Variants in UPF3A observed in about 807,000 individuals in gnomAD.
The protein encoded by UPF3A is UPF3A regulator of nonsense mediated mRNA decay, also known as regulator of nonsense transcripts 3A.
UPF3A carries 42 observed loss-of-function variants against 53.5 expected under a neutral mutation model. The ratio of observed to expected loss-of-function variants is 0.78; its 90% CI spans 0.61 to 1.01. The LOEUF (loss-of-function observed/expected upper bound fraction) is 1.01, where lower values mean the gene tolerates loss of function less well. Ranked by LOEUF, UPF3A falls within the 50% of genes least tolerant of loss-of-function variation. The pLI is 0.00. For missense variants in UPF3A, 575 were observed against 598.0 expected, an observed-to-expected ratio of 0.96 and a Z score of 0.40; for synonymous variants, 237 against 225.3, an observed-to-expected ratio of 1.05 and a Z score of -0.47.
At chr13:114,302,145 C>G (rs1280775863) in intron 9 of UPF3A, 120 bp downstream of exon 9, 2 of 991,840 alleles carry the variant, frequency 2.0e-6, no homozygotes, top group East Asian at 3.1e-5. Flanking sequence ...TGAGCATTTT[C>G]AAGAGCAGTT....
intron 9 of UPF3A, among the ~76,000 whole-genome samples, chr13:114,304,030 G>A (rs1333082320): frequency 6.6e-6 from 1 of 152,242 alleles, no homozygotes; most frequent in African/African-American, 2.4e-5. Context: ...CGTCCTTGCA[G>A]CCCACACTTG....
chr13:114,303,016 C>T (rs982338241), intron 9 of UPF3A, among the ~76,000 whole-genome samples: 1 of 152,116 alleles, frequency 6.6e-6, no homozygotes, highest in Non-Finnish European at 1.5e-5. Context: ...AGGAGAATTG[C>T]TTGAACCTGG....
chr13:114,292,090 CTTTTTTTTT>C (rs745358460), intron 7 of UPF3A, among the ~76,000 whole-genome samples: 36 of 133,712 alleles, frequency 2.7e-4, no homozygotes, highest in African/African-American at 7.1e-4. Context: ...TGCTGACGCT[CTTTTTTTTT>C]TTTTTTTTTT....
rs867775537 is a variant in UPF3A, at chr13:114,301,294, T to C, written c.1008-437T>C. 5.9e-5 allele frequency among the ~76,000 whole-genome samples: 9 copies of C among 151,940 alleles called. No homozygotes were observed. The South Asian group carries it at 1.7e-3, about 28-fold the overall frequency. ...AACTAACACAGTGAAACCCCGTCTC[T>C]ACTAAAAATACACAAAAAATTAGCC... On this transcript the variant is annotated intron_variant, in intron 8 of 9. Transcript: ENST00000375299.
At chr13:114,296,744 T>G (rs954051907) in intron 7 of UPF3A, among the ~76,000 whole-genome samples, 4 of 152,190 alleles carry the variant, frequency 2.6e-5, no homozygotes, top group African/African-American at 9.6e-5. Flanking sequence ...GTTCTGGTGC[T>G]AACTCCAGGT....
intron 5 of UPF3A, among the ~76,000 whole-genome samples, chr13:114,290,739 T>C (rs1333666551): frequency 6.6e-6 from 1 of 150,614 alleles, no homozygotes; most frequent in Non-Finnish European, 1.5e-5. Flanking sequence ...TTTTTCTTTT[T>C]TTTTTTTTTT....
chr13:114,301,651 G>T lies in UPF3A; in HGVS notation c.1008-80G>T, dbSNP rs2086619335. Reference sequence around the variant, plus strand: ...ACTTCGCATGGGTCCCTGTTGTCTGGGAACCTGTGGTCTAGAAAGGAGGGT... The same window carrying T: ...ACTTCGCATGGGTCCCTGTTGTCTGTGAACCTGTGGTCTAGAAAGGAGGGT... On this transcript the variant is annotated intron_variant, in intron 8 of 9. Transcript: ENST00000375299. 4.8e-6 allele frequency: 7 copies of T among 1,461,014 alleles called. No individual in the cohort carries two copies. The South Asian group carries it at 9.0e-5, about 19-fold the overall frequency. 90.5% of individuals were successfully genotyped at this position (1,461,014 alleles called of 1,614,324 possible).
chr13:114,301,764 T>A lies in UPF3A; in HGVS notation c.1041T>A (p.Asp347Glu). The change falls in exon 9 of 10, where the codon GAT becomes GAA. Residue 347 changes from aspartate to glutamate, a missense_variant. This residue lies in a region of UPF3A where 323 missense variants were observed against 415.2 expected (regional missense o/e 0.78). Coordinates refer to ENST00000375299, the MANE Select transcript of UPF3A (RefSeq NM_023011.4). ...SHSGSDKEHRDVERSQEQESE... is the reference protein window; with the variant it reads ...SHSGSDKEHREVERSQEQESE... Reference sequence around the variant, plus strand: ...GCGGCAGTGATAAAGAGCACAGGGATGTGGAGAGATCTCAAGAACAAGAAT... The same window carrying A: ...GCGGCAGTGATAAAGAGCACAGGGAAGTGGAGAGATCTCAAGAACAAGAAT... 6.2e-7 allele frequency: 1 copy of A among 1,613,900 alleles called. No homozygotes were observed. Among genetic ancestry groups the A allele is most frequent in the Non-Finnish European group, 8.5e-7 (1 of 1,179,842 alleles).
intron 1 of UPF3A, 33 bp downstream of exon 1, chr13:114,281,879 G>A (rs1282981270): frequency 4.1e-6 from 6 of 1,469,820 alleles, no homozygotes; most frequent in African/African-American, 1.5e-5. Flanking sequence ...CAAACCTCGC[G>A]AGGAGAGGAC....
chr13:114,286,741 T>G, intron 5 of UPF3A, 112 bp downstream of exon 5: 1 of 815,668 alleles, frequency 1.2e-6, no homozygotes, highest in Admixed American at 3.2e-5. Context: ...TGTTACAGGC[T>G]TGACAGAAAT....
At chr13:114,289,009 C>A (rs1042748942) in intron 5 of UPF3A, among the ~76,000 whole-genome samples, 2 of 151,994 alleles carry the variant, frequency 1.3e-5, no homozygotes, top group African/African-American at 4.8e-5. Context: ...TGAGACATAC[C>A]TTTTTGGGGC....
At chr13:114,296,005 G>A (rs1055663442) in intron 7 of UPF3A, among the ~76,000 whole-genome samples, 3 of 152,198 alleles carry the variant, frequency 2.0e-5, no homozygotes, top group Admixed American at 1.3e-4. Context: ...CCTCCGAGAG[G>A]GCAGAGGGCC....
intron 7 of UPF3A, among the ~76,000 whole-genome samples, chr13:114,297,512 A>G (rs1425362972): frequency 6.6e-6 from 1 of 152,198 alleles, no homozygotes; most frequent in Non-Finnish European, 1.5e-5. Context: ...AAGGAAATAA[A>G]GTCATTTCAG....
At chr13:114,291,077 C>CT (rs1299828184) in intron 5 of UPF3A, among the ~76,000 whole-genome samples, 5 of 152,068 alleles carry the variant, frequency 3.3e-5, no homozygotes, top group Non-Finnish European at 5.9e-5. Flanking sequence ...AGTTGTATGT[C>CT]TTATCATTGG....
chr13:114,283,731 C>A, intron 3 of UPF3A: 1 of 984,518 alleles, frequency 1.0e-6, no homozygotes. Context: ...CAATAGTTCC[C>A]TTATCAGTAC....
At chr13:114,304,643 G>C (rs776324047) in intron 9 of UPF3A, 146 bp from the exon 10 acceptor site, 102 of 1,079,852 alleles carry the variant, frequency 9.4e-5, no homozygotes, top group Non-Finnish European at 1.3e-4. Context: ...TTCTGAGATA[G>C]TGCTGTGAAA....
intron 9 of UPF3A, among the ~76,000 whole-genome samples, chr13:114,304,007 G>A (rs1566777578): frequency 1.3e-5 from 2 of 152,212 alleles, no homozygotes; most frequent in Admixed American, 6.5e-5. Context: ...CGCATGAGAT[G>A]TACCCACATG....
At chr13:114,292,143 G>A (rs999683764) in intron 7 of UPF3A, among the ~76,000 whole-genome samples, 2 of 148,568 alleles carry the variant, frequency 1.3e-5, no homozygotes, top group Non-Finnish European at 3.0e-5. Flanking sequence ...GGCTCAAGGC[G>A]TACATGTGCA....
intron 7 of UPF3A, among the ~76,000 whole-genome samples, chr13:114,295,261 C>A (rs12427875): frequency 6.6e-6 from 1 of 151,866 alleles, no homozygotes; most frequent in Non-Finnish European, 1.5e-5. Flanking sequence ...GCTGCCCATG[C>A]GCTCCGCTTG....
Sources: gnomAD v4.1 joint callset for allele counts (sites outside exome capture counted in the v4.1 genomes callset) on GRCh38, gnomAD v4.1.1 for gene constraint, gnomAD v4.1.1 regional missense constraint, MANE v1.5 for transcripts, NCBI Gene and HGNC (gene_info 2026-07-23, HGNC 2026-07-21) for gene names.